Variants in ADGRL4 observed in about 807,000 individuals in gnomAD.
ADGRL4 encodes EGF, latrophilin and seven transmembrane domain containing 1.
ADGRL4 carries 90 observed loss-of-function variants against 74.8 expected under a neutral mutation model. That is an observed-to-expected ratio of 1.20 (90% CI 1.02 to 1.43). The LOEUF (loss-of-function observed/expected upper bound fraction) is 1.43, where lower values mean the gene tolerates loss of function less well. Ranked by LOEUF, ADGRL4 falls within the 40% of genes most tolerant of loss-of-function variation. ADGRL4 has a pLI of 0.00. For missense variants in ADGRL4, 881 were observed against 814.3 expected (o/e 1.08, Z -1.00); for synonymous variants, 311 against 279.2 (o/e 1.11, Z -1.14).
chr1:78,976,891 T>C (rs1469713622), intron 2 of ADGRL4, among the ~76,000 whole-genome samples: 1 of 151,432 alleles, frequency 6.6e-6, no homozygotes, highest in Non-Finnish European at 1.5e-5. Flanking sequence ...TCTCCCAAAA[T>C]ATTGAAGAGA....
chr1:78,906,358 T>C (rs1243376131), intron 12 of ADGRL4, among the ~76,000 whole-genome samples: 1 of 152,030 alleles, frequency 6.6e-6, no homozygotes. Context: ...TAGTGGTTTT[T>C]TTTAGTGTTT....
chr1:78,935,388 C>T (rs549091472), intron 7 of ADGRL4, among the ~76,000 whole-genome samples: 4 of 152,118 alleles, frequency 2.6e-5, no homozygotes, highest in Admixed American at 2.6e-4. Context: ...GAACATCACA[C>T]ACCAGGGCCT....
At chr1:78,959,370 C>T (rs994752202) in intron 2 of ADGRL4, among the ~76,000 whole-genome samples, 2 of 152,206 alleles carry the variant, frequency 1.3e-5, no homozygotes, top group Non-Finnish European at 2.9e-5. Flanking sequence ...AAACTGCAAT[C>T]AGTTTTTTAG....
rs372399275 is a variant in ADGRL4 at position 78,936,351 on chromosome 1, A to G, written c.821T>C (p.Met274Thr). ...AAATATATTTATGTAGTCTCCATCC[A>G]TATTCATATGAGGATGAATATGTTT... The part of the protein sequence containing the change: ...NMKHIHPHMN[M>T]DGDYINIFPK... Residue 274 changes from methionine to threonine, a missense_variant, in exon 7 of 15, where the codon ATG (methionine) becomes ACG (threonine). Coordinates refer to ENST00000370742, the MANE Select transcript of ADGRL4 (RefSeq NM_022159.4). 9.7e-5 allele frequency: 155 copies of G among 1,591,802 alleles called. No homozygotes were observed. The highest frequency in any genetic ancestry group is 5.7e-4 in the African/African-American group (42 of 73,430).
intron 2 of ADGRL4, among the ~76,000 whole-genome samples, chr1:78,954,654 C>T (rs1649793655): frequency 6.6e-6 from 1 of 151,964 alleles, no homozygotes; most frequent in South Asian, 2.1e-4. Context: ...AGGGATGGCA[C>T]ACAATATTAA....
At chr1:78,953,765 A>G (rs61770702) in intron 2 of ADGRL4, among the ~76,000 whole-genome samples, 8,595 of 152,326 alleles carry the variant, frequency 0.056, 263 homozygotes, top group South Asian at 0.098. Context: ...ACATAAATTC[A>G]AATAGATGAT....
At chr1:78,972,896 T>C (rs886163232) in intron 2 of ADGRL4, among the ~76,000 whole-genome samples, 3 of 152,168 alleles carry the variant, frequency 2.0e-5, no homozygotes, top group East Asian at 1.9e-4. Context: ...GGAAGTTTGG[T>C]TGAGGAATAA....
chr1:78,980,125 T>C (rs746800259), intron 2 of ADGRL4, among the ~76,000 whole-genome samples: 4 of 151,942 alleles, frequency 2.6e-5, no homozygotes, highest in Non-Finnish European at 5.9e-5. Context: ...TAATTTCTTA[T>C]CTGTGTGCTG....
chr1:78,917,831 C>A lies in ADGRL4; in HGVS notation c.1681G>T (p.Val561Leu). 6.2e-7 allele frequency: 1 copy of A among 1,611,902 alleles called. No homozygotes were observed. The highest frequency in any genetic ancestry group is 1.1e-5 in the South Asian group (1 of 91,010). The part of the protein sequence containing the change: ...LGYRYYGTTK[V>L]CWLSTENNFI... ...GCTCATGAAATCATTTTAACTTACA[C>A]TTTGGTTGTGCCATAATATCTGTAT... is the stretch of plus-strand genomic sequence containing the variant. Residue 561 changes from valine to leucine, a missense_variant and splice_region_variant, in exon 11 of 15, where the codon GTA (valine) becomes TTA (leucine). Val to Leu is a conservative substitution (Grantham distance 32). Coordinates refer to ENST00000370742, the MANE Select transcript of ADGRL4 (RefSeq NM_022159.4).
chr1:78,916,291 G>T (rs573732112), intron 12 of ADGRL4, among the ~76,000 whole-genome samples: 1 of 151,882 alleles, frequency 6.6e-6, no homozygotes, highest in South Asian at 2.1e-4. Context: ...AACAATAAGA[G>T]TCATTGCTCC....
At chr1:78,939,713 T>C (rs1318709068) in intron 3 of ADGRL4, 1 of 152,796 alleles carries the variant, frequency 6.5e-6, no homozygotes, top group African/African-American at 2.4e-5. Flanking sequence ...GATAACCTTC[T>C]TTGCAGGAGC....
chr1:78,910,258 G>A (rs1648731070), intron 12 of ADGRL4, among the ~76,000 whole-genome samples: 1 of 151,740 alleles, frequency 6.6e-6, no homozygotes, highest in Non-Finnish European at 1.5e-5. Flanking sequence ...GGCCCATCTT[G>A]TAAGAGTCAT....
chr1:78,983,456 GA>G (rs35840743), intron 2 of ADGRL4, among the ~76,000 whole-genome samples: 5,933 of 147,126 alleles, frequency 0.04, 144 homozygotes, highest in African/African-American at 0.058. Flanking sequence ...TCTAGAATTA[GA>G]AAAAAAAAAG....
chr1:79,000,644 C>T (rs2100742477), intron 2 of ADGRL4, among the ~76,000 whole-genome samples: 1 of 151,372 alleles, frequency 6.6e-6, no homozygotes, highest in Admixed American at 6.6e-5. Flanking sequence ...CAGAACCTTT[C>T]TTGTGAAGAG....
chr1:78,898,199 G>A (rs1648438317), intron 12 of ADGRL4, among the ~76,000 whole-genome samples: 1 of 152,112 alleles, frequency 6.6e-6, no homozygotes, highest in South Asian at 2.1e-4. Context: ...GAGGAAAGAT[G>A]ATAAAAGTCT....
chr1:78,973,906 T>A lies in ADGRL4; in HGVS notation c.173-27480A>T, dbSNP rs184001348. Among the ~76,000 whole-genome samples, 258 of 152,252 alleles carry A rather than the reference T, an allele frequency of 1.7e-3. 1 individual carries two copies. The highest frequency in any genetic ancestry group is 3.0e-3 in the Non-Finnish European group (206 of 68,014). On this transcript the variant is annotated intron_variant, in intron 2 of 14. Transcript: ENST00000370742. ...ATAAACTAAGGCTAGAACAACTGAC[T>A]AAATCCTTTGGTAGTTATGGGCTTT...
intron 2 of ADGRL4, among the ~76,000 whole-genome samples, chr1:79,004,471 C>A (rs1295629951): frequency 6.6e-6 from 1 of 151,904 alleles, no homozygotes; most frequent in Non-Finnish European, 1.5e-5. Context: ...TAAACTGCAC[C>A]CTACAAGGAT....
chr1:78,997,297 T>A (rs1650736944), intron 2 of ADGRL4, among the ~76,000 whole-genome samples: 1 of 152,148 alleles, frequency 6.6e-6, no homozygotes, highest in African/African-American at 2.4e-5. Flanking sequence ...AAATTGAATA[T>A]TTGCAGCTTC....
At chr1:78,900,485 T>C (rs1648494216) in intron 12 of ADGRL4, among the ~76,000 whole-genome samples, 1 of 152,058 alleles carries the variant, frequency 6.6e-6, no homozygotes, top group South Asian at 2.1e-4. Context: ...CATGTACATA[T>C]AGGTGTGATA....
Sources: gnomAD v4.1 joint callset for allele counts (sites outside exome capture counted in the v4.1 genomes callset) on GRCh38, gnomAD v4.1.1 for gene constraint, MANE v1.5 for transcripts, NCBI Gene and HGNC (gene_info 2026-07-23, HGNC 2026-07-21) for gene names.